The following PRR16 variants were observed in gnomAD, a reference collection of about 807,000 sequenced individuals.
The protein encoded by PRR16 is proline rich 16.
In PRR16, 6 loss-of-function variants were observed where a neutral mutation model predicts 18.2. The ratio of observed to expected loss-of-function variants is 0.33; its 90% confidence interval spans 0.18 to 0.65. The LOEUF is 0.65. Among genes scored for constraint, PRR16 ranks in the 30% least tolerant of loss-of-function variants. The pLI, the probability that PRR16 is intolerant of heterozygous loss-of-function variation, is 0.74. For missense variants in PRR16, 412 were observed against 376.6 expected (o/e 1.09, Z -0.78); for synonymous variants, 151 against 147.8 (o/e 1.02, Z -0.16).
At chr5:120,519,206 T>G (rs1381467956) in intron 1 of PRR16, among the ~76,000 whole-genome samples, 1 of 152,068 alleles carries the variant, frequency 6.6e-6, no homozygotes, top group Non-Finnish European at 1.5e-5. Context: ...AGGAGAAAGA[T>G]CCATGCTGAT....
At chr5:120,782,275 TGTGCTCA>T in the PRR16 span, among the ~76,000 whole-genome samples, 3 of 152,168 alleles carry the variant, frequency 2.0e-5, no homozygotes, top group South Asian at 4.2e-4. Flanking sequence ...CACAGGCCCC[TGTGCTCA>T]GTGTTCAGAA....
intron 1 of PRR16, among the ~76,000 whole-genome samples, chr5:120,646,527 C>T (rs892429006): frequency 1.2e-4 from 18 of 151,908 alleles, no homozygotes; most frequent in South Asian, 8.3e-4. Flanking sequence ...TGAGAATCTA[C>T]GCTGGGATTA....
chr5:120,502,976 TAAA>T (rs1750515242), intron 1 of PRR16, among the ~76,000 whole-genome samples: 1 of 152,094 alleles, frequency 6.6e-6, no homozygotes, highest in Non-Finnish European at 1.5e-5. Flanking sequence ...TTCTTTCACC[TAAA>T]AAAAGATTTT....
chr5:120,718,357 C>T, the PRR16 span, among the ~76,000 whole-genome samples: 40 of 152,106 alleles, frequency 2.6e-4, no homozygotes, highest in Non-Finnish European at 2.9e-5. Context: ...ACACACAACT[C>T]TGGGAATGGT....
At chr5:120,732,219 A>G in the PRR16 span, among the ~76,000 whole-genome samples, 3 of 152,202 alleles carry the variant, frequency 2.0e-5, no homozygotes, top group African/African-American at 4.8e-5. Context: ...CAATTAATTT[A>G]TCAGTTGTCT....
At chr5:120,637,475 A>T (rs1461776598) in intron 1 of PRR16, among the ~76,000 whole-genome samples, 1 of 152,142 alleles carries the variant, frequency 6.6e-6, no homozygotes, top group Non-Finnish European at 1.5e-5. Flanking sequence ...CTCAGCCATA[A>T]AAAGGAATGA....
the PRR16 span, among the ~76,000 whole-genome samples, chr5:120,741,411 A>G: frequency 6.6e-6 from 1 of 152,142 alleles, no homozygotes; most frequent in South Asian, 2.1e-4. Context: ...ATCATCTATA[A>G]ACAAGGAAAG....
rs975192712 is a variant in PRR16 at position 120,539,954 on chromosome 5, G to T, written c.159+75309G>T. Among the ~76,000 whole-genome samples the T allele has an allele frequency of 2.0e-5, 3 of 151,656 alleles. No individual in the cohort carries two copies. In the East Asian group the frequency reaches 5.8e-4, roughly 30 times the overall value. On this transcript the variant is annotated intron_variant, in intron 1 of 1. Coordinates refer to ENST00000407149, the MANE Select transcript of PRR16 (RefSeq NM_001300783.2). ...TCTTGCTGTTTCAAAATCCCTTTTTGGTTGAAATTCATGCCTGGCACTTTT... is the reference window on the plus strand; with the variant it reads ...TCTTGCTGTTTCAAAATCCCTTTTTTGTTGAAATTCATGCCTGGCACTTTT...
the PRR16 span, among the ~76,000 whole-genome samples, chr5:120,783,322 C>G: frequency 3.9e-4 from 60 of 152,062 alleles, no homozygotes; most frequent in African/African-American, 1.4e-3. Flanking sequence ...TGAAGTGCAC[C>G]CATAAATGAC....
At chr5:120,681,657 A>G (rs909317906) in intron 1 of PRR16, among the ~76,000 whole-genome samples, 4 of 152,190 alleles carry the variant, frequency 2.6e-5, no homozygotes, top group Admixed American at 1.3e-4. Context: ...ATACTGAGCT[A>G]TAAGAGCAAT....
chr5:120,669,756 T>C (rs772986939), intron 1 of PRR16, among the ~76,000 whole-genome samples: 20 of 152,170 alleles, frequency 1.3e-4, no homozygotes, highest in African/African-American at 4.8e-4. Flanking sequence ...AAGTCTTGTT[T>C]TGAAAGAAAA....
At chr5:120,690,415 TCTTG>T (rs1356304993), downstream of PRR16, among the ~76,000 whole-genome samples, 4 of 152,180 alleles carry the variant, frequency 2.6e-5, no homozygotes, top group African/African-American at 9.6e-5. Context: ...AGATTTCGTT[TCTTG>T]CTTCTAATTC....
chr5:120,780,484 C>G, the PRR16 span, among the ~76,000 whole-genome samples: 1 of 152,062 alleles, frequency 6.6e-6, no homozygotes, highest in African/African-American at 2.4e-5. Context: ...ATATTTTCAA[C>G]TTGGATCTAA....
chr5:120,712,910 A>G, the PRR16 span, among the ~76,000 whole-genome samples: 4 of 152,180 alleles, frequency 2.6e-5, no homozygotes, highest in African/African-American at 9.7e-5. Context: ...TGGAGACAAT[A>G]TAGAGGTTTC....
the PRR16 span, among the ~76,000 whole-genome samples, chr5:120,719,946 A>G: frequency 1.3e-5 from 2 of 152,026 alleles, no homozygotes; most frequent in African/African-American, 2.4e-5. Flanking sequence ...TTTGTTCTTA[A>G]TTTGGAAGAA....
intron 1 of PRR16, among the ~76,000 whole-genome samples, chr5:120,484,321 CTT>C (rs1561509573): frequency 2.1e-5 from 3 of 141,508 alleles, no homozygotes; most frequent in Non-Finnish European, 4.5e-5. Flanking sequence ...TATAATTTAT[CTT>C]ATATATAAAT....
the PRR16 span, among the ~76,000 whole-genome samples, chr5:120,742,320 CTG>C: frequency 7.4e-6 from 1 of 135,666 alleles, no homozygotes; most frequent in Admixed American, 7.8e-5. Flanking sequence ...GTTTAGATGT[CTG>C]TGTATGCAGG....
chr5:120,604,824 T>C (rs753320138), intron 1 of PRR16, among the ~76,000 whole-genome samples: 28 of 152,210 alleles, frequency 1.8e-4, no homozygotes, highest in Middle Eastern at 3.2e-3. Context: ...AATTCTTTGT[T>C]GGAATGCTTT....
chr5:120,582,031 A>C (rs1753288846), intron 1 of PRR16, among the ~76,000 whole-genome samples: 2 of 152,198 alleles, frequency 1.3e-5, no homozygotes, highest in African/African-American at 2.4e-5. Context: ...CACAATTCAC[A>C]ATACTGAAGT....
Sources: allele counts gnomAD v4.1 joint callset (sites outside exome capture counted in the v4.1 genomes callset), GRCh38; gene constraint gnomAD v4.1.1; transcripts MANE v1.5; gene names NCBI Gene and HGNC (gene_info 2026-07-23, HGNC 2026-07-21).